The following GRAMD4 variants were observed in gnomAD, a reference collection of about 807,000 sequenced individuals.
The protein encoded by GRAMD4 is GRAM domain-containing protein 4.
Under a neutral mutation model 83.9 loss-of-function variants are expected in GRAMD4, and 25 were observed. That is an observed-to-expected ratio of 0.30 (90% CI 0.22 to 0.42). The LOEUF (loss-of-function observed/expected upper bound fraction) is 0.42, where lower values mean the gene tolerates loss of function less well. GRAMD4 is among the 10% of genes least tolerant of loss of function. The pLI, the probability that GRAMD4 is intolerant of heterozygous loss-of-function variation, is 1.00. For synonymous variants in GRAMD4, 336 were observed against 320.9 expected (o/e 1.05, Z -0.50); for missense variants, 593 against 788.7 (o/e 0.75, Z 2.97).
chr22:46,599,607 A>G (rs1042364933), intron 1 of GRAMD4, among the ~76,000 whole-genome samples: 1 of 152,110 alleles, frequency 6.6e-6, no homozygotes, highest in African/African-American at 2.4e-5. Flanking sequence ...GATTACAGGC[A>G]TGAGCCACCA....
In GRAMD4 at chr22:46,668,673, T is replaced by C. The variant is rs1249618847; in HGVS notation, c.931-16T>C. 3.1e-6 allele frequency: 5 copies of C among 1,611,640 alleles called. No homozygotes were observed. Among genetic ancestry groups the C allele is most frequent in the Admixed American group, 1.7e-5 (1 of 60,030 alleles). On this transcript the variant is annotated splice_polypyrimidine_tract_variant and intron_variant, in intron 11 of 18. Transcript: ENST00000406902. ...GGAGCGGGGGCTGTTGTAATTGCTG[T>C]TTCTCCTTCACACAGAACCTTTTCG... is the stretch of plus-strand genomic sequence containing the variant.
At chr22:46,675,676 G>C (rs1384546637) in intron 17 of GRAMD4, 124 bp downstream of exon 17, 5 of 696,106 alleles carry the variant, frequency 7.2e-6, no homozygotes, top group Middle Eastern at 2.5e-4. Flanking sequence ...CGGCCACGCT[G>C]GCCGGCCATG....
downstream of GRAMD4, among the ~76,000 whole-genome samples, chr22:46,681,297 C>T (rs2082669938): frequency 6.6e-6 from 1 of 152,200 alleles, no homozygotes; most frequent in African/African-American, 2.4e-5. Context: ...GACCACCCAC[C>T]CTCGGCCCAC....
intron 1 of GRAMD4, among the ~76,000 whole-genome samples, chr22:46,588,445 C>T (rs1336949643): frequency 6.6e-6 from 1 of 152,190 alleles, no homozygotes; most frequent in Non-Finnish European, 1.5e-5. Flanking sequence ...AGCACCCTCC[C>T]CGGGCGAGTG....
intron 9 of GRAMD4, among the ~76,000 whole-genome samples, chr22:46,666,389 C>T (rs191643716): frequency 6.6e-6 from 1 of 152,248 alleles, no homozygotes; most frequent in Non-Finnish European, 1.5e-5. Flanking sequence ...CAAAAGTTTG[C>T]ACTTTTATGC....
chr22:46,596,022 CGTTG>C, intron 1 of GRAMD4, among the ~76,000 whole-genome samples: 1 of 152,368 alleles, frequency 6.6e-6, no homozygotes, highest in Non-Finnish European at 1.5e-5. Context: ...GTGCTGGAAG[CGTTG>C]CTTCAGTGCA....
rs369380944 is a variant in GRAMD4 at position 46,638,108 on chromosome 22, C to T, written c.283+148C>T. 1.2e-4 allele frequency: 96 copies of T among 821,438 alleles called. 1 individual carries two copies. The highest frequency in any genetic ancestry group is 1.6e-4 in the East Asian group (6 of 38,022). The allele number at this position is 821,438 out of a possible 1,614,324, so 50.9% of individuals were successfully genotyped here. A position where few individuals can be genotyped will look rare whatever the true frequency, so the allele number is the denominator to read the frequency against. ...CACGAGCCCTGGGCAGCTGTGGCTC[C>T]GACGTGGCCCTTTGGGCTGGGTGGT... On this transcript the variant is annotated intron_variant, in intron 3 of 18. Transcript: ENST00000406902.
intron 2 of GRAMD4, among the ~76,000 whole-genome samples, chr22:46,628,070 G>A (rs1569271331): frequency 6.6e-6 from 1 of 152,238 alleles, no homozygotes; most frequent in South Asian, 2.1e-4. Flanking sequence ...CTGGCACAGA[G>A]GGCATGGGTC....
Position 46,663,856 on chromosome 22 carries a change from A to G in GRAMD4, c.618A>G (p.Arg206=), listed in dbSNP as rs1236626493. The change falls in exon 7 of 19, where the codon AGA becomes AGG. Residue 206 remains arginine, a synonymous_variant. Transcript: ENST00000406902. ...LSARRLTENM[R]RLKRGAKPVT... is the part of the protein sequence containing the mutation. ...CTCTTAGGTTAACTGAAAATATGAG[A>G]CGGCTCAGTGAGTACCAGCGGCTCT... The G allele has an allele frequency of 6.2e-7, 1 of 1,613,126 alleles. No individual in the cohort carries two copies. Among genetic ancestry groups the G allele is most frequent in the African/African-American group, 1.3e-5 (1 of 74,860 alleles).
intron 13 of GRAMD4, among the ~76,000 whole-genome samples, chr22:46,671,359 A>G (rs2082501731): frequency 6.6e-6 from 1 of 152,332 alleles, no homozygotes; most frequent in East Asian, 1.9e-4. Flanking sequence ...CCCAGCCAAC[A>G]TGGTGAAACC....
chr22:46,595,211 TG>T (rs2081249821), intron 1 of GRAMD4, among the ~76,000 whole-genome samples: 1 of 152,050 alleles, frequency 6.6e-6, no homozygotes, highest in Admixed American at 6.5e-5. Context: ...AGGGTGGGCG[TG>T]GGTACTAACT....
At chr22:46,639,059 T>G (rs1234090453) in intron 3 of GRAMD4, among the ~76,000 whole-genome samples, 1 of 152,210 alleles carries the variant, frequency 6.6e-6, no homozygotes, top group Non-Finnish European at 1.5e-5. Flanking sequence ...AGTGAGCCTG[T>G]GTATGTACAG....
intron 1 of GRAMD4, among the ~76,000 whole-genome samples, chr22:46,606,570 C>T (rs2081367193): frequency 1.8e-5 from 2 of 111,708 alleles, no homozygotes; most frequent in African/African-American, 3.0e-5. Flanking sequence ...GGGCCTATGG[C>T]CGGTGCTGAG....
intron 2 of GRAMD4, among the ~76,000 whole-genome samples, chr22:46,629,703 CAG>C (rs1019688043): frequency 9.2e-5 from 14 of 152,322 alleles, no homozygotes; most frequent in Admixed American, 3.3e-4. Flanking sequence ...GTGTGCGACT[CAG>C]GGGTTTCTAT....
chr22:46,617,544 G>A (rs1333369265), upstream of GRAMD4, among the ~76,000 whole-genome samples: 2 of 151,984 alleles, frequency 1.3e-5, no homozygotes, highest in East Asian at 3.9e-4. Context: ...TGTGCGTGTA[G>A]GTTCCTCTGT....
intron 2 of GRAMD4, among the ~76,000 whole-genome samples, chr22:46,627,732 G>A (rs986143653): frequency 6.6e-6 from 1 of 152,238 alleles, no homozygotes; most frequent in Non-Finnish European, 1.5e-5. Context: ...GGGAGCGCCG[G>A]CCTTCCCTGG....
chr22:46,676,994 T>C (rs1297458328), intron 18 of GRAMD4, among the ~76,000 whole-genome samples, 153 bp from the exon 19 acceptor site: 1 of 152,208 alleles, frequency 6.6e-6, no homozygotes. Flanking sequence ...GGCTGGAGCC[T>C]GGCTCCGGGT....
intron 2 of GRAMD4, among the ~76,000 whole-genome samples, chr22:46,628,145 CT>C (rs1311770963): frequency 6.6e-6 from 1 of 152,238 alleles, no homozygotes; most frequent in Admixed American, 6.5e-5. Context: ...AAAAATCTCC[CT>C]CCCGACACAT....
chr22:46,594,163 C>G (rs977342396), intron 1 of GRAMD4, among the ~76,000 whole-genome samples: 1 of 151,848 alleles, frequency 6.6e-6, no homozygotes, highest in African/African-American at 2.4e-5. Context: ...CAGCCCCTCC[C>G]CAGCTGCCCC....
Sources: gnomAD v4.1 joint callset for allele counts (sites outside exome capture counted in the v4.1 genomes callset) on GRCh38, gnomAD v4.1.1 for gene constraint, MANE v1.5 for transcripts, NCBI Gene and HGNC (gene_info 2026-07-23, HGNC 2026-07-21) for gene names.